PASD1: variants seen among roughly 807,000 people sequenced by gnomAD.
PASD1 encodes the protein circadian clock protein PASD1.
Under a neutral mutation model 58.8 loss-of-function variants are expected in PASD1, and 13 were observed. The ratio of observed to expected loss-of-function variants is 0.22; its 90% CI spans 0.14 to 0.35. PASD1 has a LOEUF of 0.35. Among genes scored for constraint, PASD1 ranks in the 10% least tolerant of loss-of-function variants. The pLI is 1.00. For synonymous variants in PASD1, 236 were observed against 216.7 expected (o/e 1.09, Z -0.78); for missense variants, 734 against 568.3 (o/e 1.29, Z -2.96).
chrX:151,568,530 G>A (rs1035024335), intron 1 of PASD1, among the ~76,000 whole-genome samples: 8 of 112,178 alleles, frequency 7.1e-5, no homozygotes, highest in Non-Finnish European at 1.5e-4. Flanking sequence ...GGAAATTAAA[G>A]CATAAATTCA....
At chrX:151,594,263 G>A (rs747406495) in intron 1 of PASD1, among the ~76,000 whole-genome samples, 12 of 111,684 alleles carry the variant, frequency 1.1e-4, no homozygotes, top group Admixed American at 2.8e-4. Flanking sequence ...GTGAGCCACC[G>A]TGCCCGGCTG....
chrX:151,612,748 T>A (rs1167887615), intron 4 of PASD1, among the ~76,000 whole-genome samples: 1 of 111,547 alleles, frequency 9.0e-6, no homozygotes, highest in Non-Finnish European at 1.9e-5. Flanking sequence ...TTGCAAAAAT[T>A]TTCTCCCGTT....
chrX:151,599,647 C>T (rs1395218281), intron 1 of PASD1, among the ~76,000 whole-genome samples: 4 of 104,065 alleles, frequency 3.8e-5, no homozygotes, highest in Non-Finnish European at 7.9e-5. Flanking sequence ...CGGGCAGAGG[C>T]GCTCCTCACA....
At chrX:151,615,256 T>C (rs2124265679) in intron 4 of PASD1, among the ~76,000 whole-genome samples, 1 of 110,851 alleles carries the variant, frequency 9.0e-6, no homozygotes, top group South Asian at 3.9e-4. Flanking sequence ...GTTCAAAGTT[T>C]TCCCTATCAA....
intron 4 of PASD1, among the ~76,000 whole-genome samples, chrX:151,612,228 T>A (rs761706048): frequency 0.52 from 155 of 296 alleles, 9 homozygotes; most frequent in African/African-American, 0.59. Context: ...TGTTGGACAT[T>A]TGGCTGGTTC....
chrX:151,662,158 A>G (rs1436921056), intron 10 of PASD1, among the ~76,000 whole-genome samples: 4 of 111,502 alleles, frequency 3.6e-5, no homozygotes, highest in African/African-American at 9.8e-5. Flanking sequence ...TTTTTTGTAT[A>G]TTTATTAACT....
intron 3 of PASD1, among the ~76,000 whole-genome samples, chrX:151,605,481 G>C (rs1397950151): frequency 9.0e-6 from 1 of 111,569 alleles, no homozygotes; most frequent in Non-Finnish European, 1.9e-5. Context: ...TGTGAGAAAG[G>C]CATTGTGTGA....
chrX:151,669,798 T>C (rs60273654), intron 11 of PASD1, among the ~76,000 whole-genome samples: 22,699 of 111,551 alleles, frequency 0.2, 2,343 homozygotes, highest in East Asian at 0.87. Flanking sequence ...TGTCTGTTGA[T>C]GAATACTTGG....
At chrX:151,645,567 A>G (rs1226622468) in intron 8 of PASD1, 2 of 112,288 alleles carry the variant, frequency 1.8e-5, no homozygotes, top group African/African-American at 6.5e-5. Flanking sequence ...ATTTAAGAGT[A>G]ATATTTTGAG....
intron 1 of PASD1, among the ~76,000 whole-genome samples, chrX:151,595,684 C>A (rs2013313752): frequency 9.0e-6 from 1 of 110,554 alleles, no homozygotes. Context: ...GAGATCGTGC[C>A]ACTGTACTCC....
intron 3 of PASD1, among the ~76,000 whole-genome samples, chrX:151,608,397 C>T (rs1030212117): frequency 9.0e-6 from 1 of 111,454 alleles, no homozygotes; most frequent in Non-Finnish European, 1.9e-5. Flanking sequence ...TCTAATTATT[C>T]ATATGTTGGA....
intron 1 of PASD1, among the ~76,000 whole-genome samples, chrX:151,576,159 C>T (rs1175302380): frequency 7.3e-5 from 8 of 110,321 alleles, no homozygotes; most frequent in Non-Finnish European, 3.8e-5. Context: ...TGAGCCATGG[C>T]GCTCAGTCCT....
intron 8 of PASD1, among the ~76,000 whole-genome samples, chrX:151,634,184 T>A (rs17319622): frequency 0.22 from 23,824 of 110,801 alleles, 2,080 homozygotes; most frequent in Non-Finnish European, 0.27. Context: ...CACAACTTTT[T>A]ACAGCTTGCC....
chrX:151,651,932 C>T lies in PASD1; in HGVS notation c.717+3230C>T, dbSNP rs1173522010. On this transcript the variant is annotated intron_variant, in intron 9 of 15. Transcript: ENST00000370357. The stretch of plus-strand genomic sequence containing the variant: ...TGTCTCTTACTGCCCAATGAGGCGT[C>T]TACTTTTAAAACTATTTTGTCATAT... Among the ~76,000 whole-genome samples, 3 of 112,217 alleles carry T rather than the reference C, an allele frequency of 2.7e-5. No homozygotes were observed. The East Asian group carries it at 8.5e-4, about 32-fold the overall frequency.
At chrX:151,564,274 C>G (rs758934718) in intron 1 of PASD1, among the ~76,000 whole-genome samples, 10 of 112,687 alleles carry the variant, frequency 8.9e-5, no homozygotes, top group Admixed American at 1.9e-4. Flanking sequence ...TCCATTACCA[C>G]AGTCGGGGAC....
chrX:151,567,203 T>C (rs1358834588), intron 1 of PASD1, among the ~76,000 whole-genome samples: 1 of 111,540 alleles, frequency 9.0e-6, no homozygotes, highest in Non-Finnish European at 1.9e-5. Flanking sequence ...GGTGGACTCA[T>C]CAGGATTTGC....
In PASD1 at chrX:151,671,657, G is replaced by A. The variant is rs370064836; in HGVS notation, c.1315G>A (p.Ala439Thr). 1.3e-5 allele frequency: 16 copies of A among 1,209,469 alleles called. No individual in the cohort carries two copies. The highest frequency in any genetic ancestry group is 3.5e-5 in the South Asian group (2 of 56,810). ...GCCCAAGAAACAACAGAAACAACAC[G>A]CTGGGCAAGTGAAGCGGCCTCTCCC... is the stretch of plus-strand genomic sequence containing the variant. The part of the protein sequence containing the change: ...AVPKKQQKQH[A>T]GQVKRPLPHP... Residue 439 changes from alanine to threonine, a missense_variant, in exon 13 of 16, where the codon GCT becomes ACT. Physicochemically the swap from Ala to Thr is moderately conservative, Grantham distance 58. Coordinates refer to ENST00000370357, the MANE Select transcript of PASD1 (RefSeq NM_173493.3).
rs1409866457 is a variant in PASD1 at position 151,653,835 on chromosome X, CTT to C, written c.717+5134_717+5135del. On this transcript the variant is annotated intron_variant, in intron 9 of 15. Transcript: ENST00000370357. ...CCTTCCTTCCTTCCTTCCTTCCTTC[CTT>C]CCTTCCTTCCCTCCCTCCCTCCCTC... Among the ~76,000 whole-genome samples the C allele has an allele frequency of 6.7e-3, 172 of 25,560 alleles. 14 individuals are homozygous for C. Among genetic ancestry groups the C allele is most frequent in the African/African-American group, 0.015 (159 of 10,316 alleles). The allele number at this position is 25,560 out of a possible 115,157, so 22.2% of individuals were successfully genotyped here.
intron 1 of PASD1, among the ~76,000 whole-genome samples, chrX:151,570,297 A>C (rs1224364196): frequency 8.9e-6 from 1 of 112,002 alleles, no homozygotes; most frequent in Non-Finnish European, 1.9e-5. Flanking sequence ...TGATTTAAAA[A>C]CTGTATTTAC....
Sources: gnomAD v4.1 joint callset for allele counts (sites outside exome capture counted in the v4.1 genomes callset) on GRCh38, gnomAD v4.1.1 for gene constraint, MANE v1.5 for transcripts, NCBI Gene and HGNC (gene_info 2026-07-23, HGNC 2026-07-21) for gene names.